The following ZNRF3 variants were observed in gnomAD, a reference collection of about 807,000 sequenced individuals.
ZNRF3 encodes the protein E3 ubiquitin-protein ligase ZNRF3.
In ZNRF3, 23 loss-of-function variants were observed where a neutral mutation model predicts 72.5. The observed-to-expected ratio is 0.32, with a 90% confidence interval of 0.23 to 0.45. The LOEUF is 0.45. ZNRF3 is among the 20% of genes least tolerant of loss of function. The probability of loss-of-function intolerance (pLI) is 1.00; values close to 1 mark genes in which losing one functional copy is unlikely to be tolerated. For synonymous variants in ZNRF3, 610 were observed against 545.3 expected, an observed-to-expected ratio of 1.12 and a Z score of -1.65; for missense variants, 1,169 against 1,272.1, an observed-to-expected ratio of 0.92 and a Z score of 1.23.
intron 2 of ZNRF3, among the ~76,000 whole-genome samples, chr22:28,990,473 C>T (rs949102749): frequency 8.5e-5 from 13 of 152,050 alleles, no homozygotes; most frequent in Non-Finnish European, 1.9e-4. Flanking sequence ...TCACTTGAGG[C>T]CAGGAGTTTG....
intron 1 of ZNRF3, among the ~76,000 whole-genome samples, chr22:28,950,257 A>G (rs548390197): frequency 2.7e-4 from 41 of 151,982 alleles, no homozygotes; most frequent in Admixed American, 5.9e-4. Context: ...TGAAGGACAA[A>G]CCTCCACCCA....
chr22:29,050,337 C>A lies in ZNRF3; in HGVS notation c.2156C>A (p.Ser719Tyr). The change falls in exon 8 of 9, where the codon TCC (serine) becomes TAC (tyrosine). Residue 719 changes from serine to tyrosine, a missense_variant. Ser to Tyr is a moderately radical substitution (Grantham distance 144). Transcript: ENST00000544604. The stretch of plus-strand genomic sequence containing the variant: ...GCCTGCTGCTGCGAGCCCCAGCCCT[C>A]CCCAGCCGGGCCTAGCGCCGGAGCA... Reference protein sequence around the residue: ...SCACCCEPQPSPAGPSAGAAG... With the variant: ...SCACCCEPQPYPAGPSAGAAG... 1 of 1,602,092 alleles carries A rather than the reference C, an allele frequency of 6.2e-7. No homozygotes were observed. The highest frequency in any genetic ancestry group is 8.5e-7 in the Non-Finnish European group (1 of 1,177,128).
At chr22:28,966,867 CTT>C (rs530036984) in intron 1 of ZNRF3, among the ~76,000 whole-genome samples, 9 of 102,456 alleles carry the variant, frequency 8.8e-5, no homozygotes, top group Non-Finnish European at 5.8e-5. Context: ...TTTTAAAAAT[CTT>C]TTTTTTTTTT....
chr22:28,892,306 G>A (rs1440824260), intron 1 of ZNRF3, among the ~76,000 whole-genome samples: 2 of 152,164 alleles, frequency 1.3e-5, no homozygotes, highest in Non-Finnish European at 2.9e-5. Context: ...GCACACGAAC[G>A]GTTACCTTAC....
rs772658124 is a variant in ZNRF3, at chr22:29,050,460, G to T, written c.2279G>T (p.Gly760Val). 8.1e-6 allele frequency: 13 copies of T among 1,612,274 alleles called. No homozygotes were observed. The highest frequency in any genetic ancestry group is 3.3e-5 in the South Asian group (3 of 91,076). Residue 760 changes from glycine to valine, a missense_variant, in exon 8 of 9, where the codon GGC (glycine) becomes GTC (valine). Physicochemically the swap from Gly to Val is moderately radical, Grantham distance 109. Coordinates refer to ENST00000544604, the MANE Select transcript of ZNRF3 (RefSeq NM_001206998.2). The part of the protein sequence containing the change: ...PQSGSSQGLY[G>V]LHPDHLPRTD... ...TCAGGAAGCTCCCAGGGCTTGTACGGCCTTCACCCCGACCATTTGCCCAGG... is the reference window on the plus strand; with the variant it reads ...TCAGGAAGCTCCCAGGGCTTGTACGTCCTTCACCCCGACCATTTGCCCAGG...
At chr22:28,995,125 A>G (rs2036025355) in intron 2 of ZNRF3, among the ~76,000 whole-genome samples, 1 of 152,258 alleles carries the variant, frequency 6.6e-6, no homozygotes, top group South Asian at 2.1e-4. Flanking sequence ...GATGGAGGAT[A>G]GGAAAATCAA....
At chr22:29,027,533 G>A (rs1173820587) in intron 2 of ZNRF3, among the ~76,000 whole-genome samples, 2 of 152,136 alleles carry the variant, frequency 1.3e-5, no homozygotes, top group South Asian at 2.1e-4. Context: ...ACAGGCGTGA[G>A]CCACCATGCC....
At chr22:28,935,287 C>G (rs1011807894) in intron 1 of ZNRF3, among the ~76,000 whole-genome samples, 7 of 152,224 alleles carry the variant, frequency 4.6e-5, no homozygotes, top group African/African-American at 1.7e-4. Flanking sequence ...TGTACCTGCC[C>G]TTTGCCCCTA....
At chr22:29,041,379 C>CTA (rs1338213118) in intron 2 of ZNRF3, among the ~76,000 whole-genome samples, 1 of 152,124 alleles carries the variant, frequency 6.6e-6, no homozygotes, top group Non-Finnish European at 1.5e-5. Flanking sequence ...TCCAGCCATG[C>CTA]TATATCTTAA....
intron 2 of ZNRF3, among the ~76,000 whole-genome samples, chr22:29,013,968 C>T (rs1050593566): frequency 1.2e-4 from 19 of 152,302 alleles, no homozygotes; most frequent in Middle Eastern, 3.4e-3. Flanking sequence ...GGTAGCCTTT[C>T]CCAGGATGGT....
intron 1 of ZNRF3, among the ~76,000 whole-genome samples, chr22:28,936,998 C>G (rs2034831259): frequency 6.6e-6 from 1 of 151,904 alleles, no homozygotes; most frequent in Non-Finnish European, 1.5e-5. Flanking sequence ...CCTCATTCAT[C>G]TGAGCTGCTA....
At chr22:28,917,864 A>G (rs569961305) in intron 1 of ZNRF3, among the ~76,000 whole-genome samples, 19 of 152,258 alleles carry the variant, frequency 1.2e-4, no homozygotes, top group African/African-American at 4.6e-4. Context: ...CTGGCCACCA[A>G]GCCAAGTTGG....
At chr22:28,895,654 G>C (rs920703526) in intron 1 of ZNRF3, among the ~76,000 whole-genome samples, 4 of 152,004 alleles carry the variant, frequency 2.6e-5, no homozygotes, top group Non-Finnish European at 4.4e-5. Flanking sequence ...GCGACAGAGC[G>C]AGACTCCGTC....
At chr22:28,890,259 G>A (rs1453660640) in intron 1 of ZNRF3, among the ~76,000 whole-genome samples, 1 of 152,196 alleles carries the variant, frequency 6.6e-6, no homozygotes, top group Non-Finnish European at 1.5e-5. Flanking sequence ...CCAACACTTT[G>A]GGAAGCCGAG....
At chr22:29,036,481 ACT>A (rs2036869972) in intron 2 of ZNRF3, among the ~76,000 whole-genome samples, 1 of 152,210 alleles carries the variant, frequency 6.6e-6, no homozygotes. Context: ...TTACTCTCAA[ACT>A]CACTTCTTTC....
At chr22:29,034,818 G>A (rs1418651361) in intron 2 of ZNRF3, among the ~76,000 whole-genome samples, 1 of 152,194 alleles carries the variant, frequency 6.6e-6, no homozygotes, top group African/African-American at 2.4e-5. Flanking sequence ...TGGGCAGGAT[G>A]TGTGCTTGGT....
chr22:29,052,480 G>A (rs1029641076), intron 8 of ZNRF3, among the ~76,000 whole-genome samples: 3 of 152,130 alleles, frequency 2.0e-5, no homozygotes, highest in African/African-American at 7.2e-5. Flanking sequence ...AGATCACCAG[G>A]TAAAGAGACC....
chr22:28,981,773 G>A (rs899549264), intron 1 of ZNRF3, among the ~76,000 whole-genome samples: 43 of 152,110 alleles, frequency 2.8e-4, no homozygotes, highest in African/African-American at 1.0e-3. Context: ...AAGGCGGGTG[G>A]ATCACCTGAG....
At chr22:28,889,281 G>A (rs1433675441) in intron 1 of ZNRF3, among the ~76,000 whole-genome samples, 1 of 152,210 alleles carries the variant, frequency 6.6e-6, no homozygotes, top group African/African-American at 2.4e-5. Context: ...GATAGTCCAT[G>A]AACTCCTGCA....
Sources: allele counts gnomAD v4.1 joint callset (sites outside exome capture counted in the v4.1 genomes callset), GRCh38; gene constraint gnomAD v4.1.1; transcripts MANE v1.5; gene names NCBI Gene and HGNC (gene_info 2026-07-23, HGNC 2026-07-21).